The following AVEN variants were observed in gnomAD, a reference collection of about 807,000 sequenced individuals.
The protein encoded by AVEN is apoptosis and caspase activation inhibitor.
AVEN carries 41 observed loss-of-function variants against 38.1 expected under a neutral mutation model. That is an observed-to-expected ratio of 1.08 (90% CI 0.84 to 1.40). The LOEUF (loss-of-function observed/expected upper bound fraction) is 1.40. Ranked by LOEUF, AVEN falls within the 40% of genes most tolerant of loss-of-function variation. The pLI is 0.00. For synonymous variants in AVEN, 206 were observed against 171.8 expected (o/e 1.20, Z -1.56); for missense variants, 605 against 438.8 (o/e 1.38, Z -3.38).
chr15:34,038,185 TA>T (rs1172844818), intron 1 of AVEN, among the ~76,000 whole-genome samples: 1 of 152,162 alleles, frequency 6.6e-6, no homozygotes, highest in East Asian at 1.9e-4. Context: ...ACAGGCATAA[TA>T]AAAGAGAACT....
intron 2 of AVEN, among the ~76,000 whole-genome samples, chr15:33,998,964 C>T (rs1278806025): frequency 6.6e-6 from 1 of 152,190 alleles, no homozygotes; most frequent in Non-Finnish European, 1.5e-5. Flanking sequence ...CCAACCCAGG[C>T]CTGGATCCTG....
Position 33,930,241 on chromosome 15 carries a change from G to C in AVEN, c.446-54246C>G, listed in dbSNP as rs1426225984. Among the ~76,000 whole-genome samples the C allele has an allele frequency of 3.3e-5, 5 of 151,772 alleles. No individual in the cohort carries two copies. The East Asian group carries it at 9.7e-4, about 29-fold the overall frequency. The stretch of plus-strand genomic sequence containing the variant: ...AGTGAGCAGAACCATGTCCCAAGGA[G>C]ATTTTATTATGGACCTGATTTGGGA... On this transcript the variant is annotated intron_variant, in intron 2 of 5. Coordinates refer to ENST00000306730, the MANE Select transcript of AVEN (RefSeq NM_020371.3).
chr15:33,961,710 G>T (rs563554872), intron 2 of AVEN, among the ~76,000 whole-genome samples: 2 of 150,900 alleles, frequency 1.3e-5, no homozygotes, highest in African/African-American at 4.9e-5. Flanking sequence ...CTACTCGGGA[G>T]GCTGAGGCAG....
chr15:33,987,310 A>G (rs1896520496), intron 2 of AVEN, among the ~76,000 whole-genome samples: 3 of 152,204 alleles, frequency 2.0e-5, no homozygotes, highest in Admixed American at 1.3e-4. Context: ...TTCATTTGAT[A>G]AACTAAGATC....
Position 33,928,302 on chromosome 15 carries a change from C to A in AVEN, c.446-52307G>T, listed in dbSNP as rs1893707222. ...AAAGAAAACTTGAAAGCTCTGAAAT[C>A]TTACAGTTCATATTATGAAAGAAAC... is the stretch of plus-strand genomic sequence containing the variant. On this transcript the variant is annotated intron_variant, in intron 2 of 5. Coordinates refer to ENST00000306730, the MANE Select transcript of AVEN (RefSeq NM_020371.3). Among the ~76,000 whole-genome samples the A allele has an allele frequency of 1.3e-5, 2 of 152,280 alleles. 1 individual carries two copies. Among genetic ancestry groups the A allele is most frequent in the Non-Finnish European group, 2.9e-5 (2 of 68,026 alleles).
chr15:33,915,496 A>C lies in AVEN; in HGVS notation c.446-39501T>G, dbSNP rs1026018522. Among the ~76,000 whole-genome samples the C allele has an allele frequency of 5.9e-5, 9 of 152,162 alleles. No homozygotes were observed. The East Asian group carries it at 7.7e-4, about 13-fold the overall frequency. Reference sequence around the variant, plus strand: ...GTCAAGTGAAATACAGGAGTAGAAGAAGCAGCGGGAAGAGCCCTGTGGGCT... The same window carrying C: ...GTCAAGTGAAATACAGGAGTAGAAGCAGCAGCGGGAAGAGCCCTGTGGGCT... On this transcript the variant is annotated intron_variant, in intron 2 of 5. Coordinates refer to ENST00000306730, the MANE Select transcript of AVEN (RefSeq NM_020371.3).
intron 2 of AVEN, among the ~76,000 whole-genome samples, chr15:33,960,566 TA>T (rs960034500): frequency 4.6e-5 from 7 of 152,002 alleles, no homozygotes; most frequent in Non-Finnish European, 7.4e-5. Flanking sequence ...GCTTTGGGAT[TA>T]AAAAAAAGAA....
chr15:33,924,328 C>A (rs1893529465), intron 2 of AVEN, among the ~76,000 whole-genome samples: 1 of 150,070 alleles, frequency 6.7e-6, no homozygotes, highest in Non-Finnish European at 1.5e-5. Flanking sequence ...CGAGATCATG[C>A]CACTGCACTC....
intron 5 of AVEN, among the ~76,000 whole-genome samples, chr15:34,055,124 G>A (rs1444365438): frequency 4.0e-5 from 6 of 148,458 alleles, no homozygotes; most frequent in South Asian, 2.2e-4. Flanking sequence ...CCCGGGAGGC[G>A]GCGATTGCGG....
chr15:34,040,048 T>G (rs1899400511), upstream of AVEN, among the ~76,000 whole-genome samples: 1 of 152,240 alleles, frequency 6.6e-6, no homozygotes, highest in Admixed American at 6.5e-5. Flanking sequence ...AATAAGTGTT[T>G]TCTTCCCCCT....
chr15:33,903,785 A>G (rs1042780359), intron 2 of AVEN, among the ~76,000 whole-genome samples: 2 of 151,510 alleles, frequency 1.3e-5, no homozygotes, highest in Non-Finnish European at 2.9e-5. Context: ...CATGCATCAC[A>G]TAACAATAGG....
At chr15:34,068,204 C>T (rs991616034) in intron 2 of AVEN, among the ~76,000 whole-genome samples, 1 of 149,556 alleles carries the variant, frequency 6.7e-6, no homozygotes, top group African/African-American at 2.5e-5. Context: ...CCACTAAATA[C>T]TTCTTGAGTG....
intron 4 of AVEN, among the ~76,000 whole-genome samples, chr15:33,868,732 C>T (rs755933515): frequency 3.9e-5 from 6 of 151,984 alleles, no homozygotes; most frequent in East Asian, 3.8e-4. Context: ...TCAAAAGCTA[C>T]GGTATTAGAA....
At chr15:33,998,181 C>T (rs1897011225) in intron 2 of AVEN, among the ~76,000 whole-genome samples, 1 of 152,196 alleles carries the variant, frequency 6.6e-6, no homozygotes, top group African/African-American at 2.4e-5. Flanking sequence ...AGCAATGGGC[C>T]ATCCCTCCAC....
intron 2 of AVEN, among the ~76,000 whole-genome samples, chr15:34,067,761 G>A (rs748959528): frequency 6.6e-6 from 1 of 152,158 alleles, no homozygotes; most frequent in South Asian, 2.1e-4. Context: ...TTACCGAGTG[G>A]AGACTGCACA....
At chr15:33,993,356 A>G (rs114107277) in intron 2 of AVEN, among the ~76,000 whole-genome samples, 130 of 152,264 alleles carry the variant, frequency 8.5e-4, no homozygotes, top group African/African-American at 3.1e-3. Flanking sequence ...AAGACTCACA[A>G]TCTTACCAGA....
At chr15:33,925,226 T>A (rs1893566102) in intron 2 of AVEN, among the ~76,000 whole-genome samples, 1 of 152,198 alleles carries the variant, frequency 6.6e-6, no homozygotes. Context: ...CCACTTTGTC[T>A]CAACCTAACA....
At position 33,961,570 on chromosome 15, in the gene AVEN, T is replaced by C. The variant is rs543066992; in HGVS notation, c.445+41462A>G. On this transcript the variant is annotated intron_variant, in intron 2 of 5. Transcript: ENST00000306730. ...GGCTCATGCCTGTAATCCCAGCACT[T>C]TGGGAGGCCAAGGTGGGCGAATCAC... 1.1e-4 allele frequency among the ~76,000 whole-genome samples: 17 copies of C among 152,002 alleles called. No homozygotes were observed. In the South Asian group the frequency reaches 1.9e-3, roughly 17 times the overall value.
At chr15:33,881,906 T>TTC (rs1232257885) in intron 2 of AVEN, among the ~76,000 whole-genome samples, 3 of 152,210 alleles carry the variant, frequency 2.0e-5, no homozygotes, top group Non-Finnish European at 2.9e-5. Flanking sequence ...AAAAGAACAG[T>TTC]GACAGCCAAC....
Sources: allele counts gnomAD v4.1 joint callset (sites outside exome capture counted in the v4.1 genomes callset), GRCh38; gene constraint gnomAD v4.1.1; transcripts MANE v1.5; gene names NCBI Gene and HGNC (gene_info 2026-07-23, HGNC 2026-07-21).